GMEB1: variants seen among roughly 807,000 people sequenced by gnomAD.
GMEB1 encodes the protein glucocorticoid modulatory element-binding protein 1.
In GMEB1, 6 loss-of-function variants were observed where a neutral mutation model predicts 52.4. That is an observed-to-expected ratio of 0.11 (90% CI 0.06 to 0.23). GMEB1 has a LOEUF of 0.23. GMEB1 is among the 10% of genes least tolerant of loss of function. GMEB1 has a pLI of 1.00. For missense variants in GMEB1, 486 were observed against 685.6 expected (o/e 0.71, Z 3.25); for synonymous variants, 255 against 244.9 (o/e 1.04, Z -0.38).
intron 8 of GMEB1, among the ~76,000 whole-genome samples, chr1:28,705,882 C>T (rs1000015565): frequency 2.0e-5 from 3 of 148,868 alleles, no homozygotes; most frequent in Admixed American, 2.0e-4. Flanking sequence ...CGGCCGGGCG[C>T]GGTGGCTCAC....
At chr1:28,685,471 A>C (rs1165110915) in intron 2 of GMEB1, among the ~76,000 whole-genome samples, 1 of 152,208 alleles carries the variant, frequency 6.6e-6, no homozygotes, top group Non-Finnish European at 1.5e-5. Flanking sequence ...CAAAAAAGAA[A>C]GAATACAATA....
chr1:28,710,711 G>T, intron 9 of GMEB1, 69 bp downstream of exon 9: 2 of 1,139,904 alleles, frequency 1.8e-6, no homozygotes, highest in Non-Finnish European at 1.1e-6. Context: ...TTTTCTTGTT[G>T]ACTTTTGTTG....
rs1671335021 is a variant in GMEB1, at chr1:28,718,791, C to T, written c.*4018C>T. Reference sequence around the variant, plus strand: ...TGCGTAAGTGCTGTGTGTGATAGGGCTATTGGCTAGGAGCTGAGAGAACAA... The same window carrying T: ...TGCGTAAGTGCTGTGTGTGATAGGGTTATTGGCTAGGAGCTGAGAGAACAA... On this transcript the variant is annotated 3_prime_UTR_variant, in exon 10 of 10. Transcript: ENST00000373816. The T allele has an allele frequency of 1.3e-5, 2 of 152,138 alleles. No individual in the cohort carries two copies. 9.4% of individuals were successfully genotyped at this position (152,138 alleles called of 1,614,324 possible).
At chr1:28,678,726 A>G (rs1427648042) in intron 1 of GMEB1, among the ~76,000 whole-genome samples, 1 of 151,416 alleles carries the variant, frequency 6.6e-6, no homozygotes, top group Non-Finnish European at 1.5e-5. Context: ...GGCTGGGACT[A>G]CAGGTTCACG....
chr1:28,718,116 A>G lies in GMEB1; in HGVS notation c.*3343A>G, dbSNP rs1356834181. On this transcript the variant is annotated 3_prime_UTR_variant, in exon 10 of 10. Coordinates refer to ENST00000373816, the MANE Select transcript of GMEB1 (RefSeq NM_001319674.2). ...GGTGAGACATATGCAAGCCATTGGTATGTGCATAAGCAGTTGCAATGAACC... is the reference window on the plus strand; with the variant it reads ...GGTGAGACATATGCAAGCCATTGGTGTGTGCATAAGCAGTTGCAATGAACC... 6.6e-6 allele frequency: 1 copy of G among 152,246 alleles called. No individual in the cohort carries two copies. Among genetic ancestry groups the G allele is most frequent in the Non-Finnish European group, 1.5e-5 (1 of 68,054 alleles). The allele number at this position is 152,246 out of a possible 1,614,324, so 9.4% of individuals were successfully genotyped here.
intron 2 of GMEB1, among the ~76,000 whole-genome samples, chr1:28,688,551 C>A (rs1435309108): frequency 6.6e-6 from 1 of 152,138 alleles, no homozygotes; most frequent in Non-Finnish European, 1.5e-5. Flanking sequence ...TTGGAGAGAT[C>A]TGCATTATAT....
At chr1:28,700,092 G>A (rs1446875107) in intron 6 of GMEB1, among the ~76,000 whole-genome samples, 2 of 150,968 alleles carry the variant, frequency 1.3e-5, no homozygotes, top group African/African-American at 2.4e-5. Flanking sequence ...GATCTTGGCC[G>A]GGTGCAGCGG....
chr1:28,690,816 A>G (rs1430751548), intron 3 of GMEB1, among the ~76,000 whole-genome samples: 1 of 151,764 alleles, frequency 6.6e-6, no homozygotes, highest in Non-Finnish European at 1.5e-5. Flanking sequence ...CCCCGCCTCT[A>G]CTAAAAGTAT....
chr1:28,689,945 T>C, intron 2 of GMEB1, 159 bp from the exon 3 acceptor site: 1 of 522,374 alleles, frequency 1.9e-6, no homozygotes, highest in South Asian at 2.9e-5. Context: ...CCTGGGAGGT[T>C]TGGAGTTTAA....
rs1005699038 is a variant in GMEB1, at chr1:28,716,561, T to A, written c.*1788T>A. ...TTTAGATTCATTTATACCACAGATG[T>A]TTCTGTGAGATACTGAGATCATAAA... On this transcript the variant is annotated 3_prime_UTR_variant, in exon 10 of 10. Transcript: ENST00000373816. The A allele has an allele frequency of 1.3e-5, 2 of 152,152 alleles. No homozygotes were observed. The highest frequency in any genetic ancestry group is 6.6e-5 in the Admixed American group (1 of 15,256). 9.4% of individuals were successfully genotyped at this position (152,152 alleles called of 1,614,324 possible).
rs536160225 is a variant in GMEB1 at position 28,715,603 on chromosome 1, CAA to C, written c.*849_*850del. 3.5e-4 allele frequency: 17 copies of C among 48,462 alleles called. No homozygotes were observed. Among genetic ancestry groups the C allele is most frequent in the Non-Finnish European group, 2.6e-4 (6 of 22,772 alleles). 3.0% of individuals were successfully genotyped at this position (48,462 alleles called of 1,614,324 possible). On this transcript the variant is annotated 3_prime_UTR_variant, in exon 10 of 10. Coordinates refer to ENST00000373816, the MANE Select transcript of GMEB1 (RefSeq NM_001319674.2). ...GGGCAACAAGAGCGAGACTCCATCT[CAA>C]AAAAAAAAAAAAAAAAAAGTGCTTT...
chr1:28,668,825 C>T lies in GMEB1; in HGVS notation c.-45C>T, dbSNP rs1668726897. The T allele has an allele frequency of 6.8e-6, 1 of 146,674 alleles. No homozygotes were observed. Among genetic ancestry groups the T allele is most frequent in the Non-Finnish European group, 1.5e-5 (1 of 66,316 alleles). The allele number at this position is 146,674 out of a possible 1,614,324, so 9.1% of individuals were successfully genotyped here. A position where few individuals can be genotyped will look rare whatever the true frequency, so the allele number is the denominator to read the frequency against. On this transcript the variant is annotated 5_prime_UTR_variant, in exon 1 of 10. Transcript: ENST00000373816. ...CCGCCCTGGCCGCTCGCCGCCCGCC[C>T]GCCCGACGGAGACGGTGAGGAGGGG...
rs767235764 is a variant in GMEB1 at position 28,714,685 on chromosome 1, A to T, written c.1604A>T (p.Glu535Val). Reference sequence around the variant, plus strand: ...GGCAAAGCAGTCATCTTGGAGACAGAGCTGAGGACTGAGGAGAAAGTTGTG... The same window carrying T: ...GGCAAAGCAGTCATCTTGGAGACAGTGCTGAGGACTGAGGAGAAAGTTGTG... ...TEGKAVILET[E>V]LRTEEKVVAE... is the part of the protein sequence containing the mutation. The change falls in exon 10 of 10, where the codon GAG (glutamate) becomes GTG (valine). Residue 535 changes from glutamate to valine, a missense_variant. Physicochemically the swap from Glu to Val is moderately radical, Grantham distance 121 (BLOSUM62 -2). Transcript: ENST00000373816. 6.2e-7 allele frequency: 1 copy of T among 1,614,144 alleles called. No homozygotes were observed. Among genetic ancestry groups the T allele is most frequent in the Non-Finnish European group, 8.5e-7 (1 of 1,180,004 alleles).
intron 1 of GMEB1, among the ~76,000 whole-genome samples, chr1:28,682,687 A>C (rs943300996): frequency 1.3e-5 from 2 of 151,652 alleles, no homozygotes; most frequent in African/African-American, 4.8e-5. Flanking sequence ...AAGCAACTAC[A>C]TGATAAAAGT....
chr1:28,681,520 A>G (rs970958145), intron 1 of GMEB1, among the ~76,000 whole-genome samples: 96 of 152,320 alleles, frequency 6.3e-4, no homozygotes, highest in African/African-American at 2.2e-3. Context: ...TGCTATGCTC[A>G]GAGTACATTA....
chr1:28,671,840 G>T (rs1018121258), intron 1 of GMEB1, among the ~76,000 whole-genome samples: 19 of 151,974 alleles, frequency 1.3e-4, no homozygotes, highest in Non-Finnish European at 1.6e-4. Context: ...TTTTGGGCTG[G>T]GCGCGGTAGC....
chr1:28,695,973 AAT>A (rs1670188549), intron 5 of GMEB1, among the ~76,000 whole-genome samples: 8 of 142,600 alleles, frequency 5.6e-5, no homozygotes, highest in African/African-American at 1.1e-4. Context: ...AAAAAAAAAA[AAT>A]TTTCAGATGA....
At chr1:28,698,651 G>A (rs546467520) in intron 6 of GMEB1, among the ~76,000 whole-genome samples, 2 of 149,398 alleles carry the variant, frequency 1.3e-5, no homozygotes, top group African/African-American at 4.9e-5. Context: ...CTCCAGCCTG[G>A]GCGACAAAGC....
chr1:28,673,519 T>C (rs562512735), intron 1 of GMEB1, among the ~76,000 whole-genome samples: 3 of 152,210 alleles, frequency 2.0e-5, no homozygotes, highest in African/African-American at 7.2e-5. Flanking sequence ...CCTCCCAAAG[T>C]GCTGGGATTA....
Sources: allele counts gnomAD v4.1 joint callset (sites outside exome capture counted in the v4.1 genomes callset), GRCh38; gene constraint gnomAD v4.1.1; transcripts MANE v1.5; gene names NCBI Gene and HGNC (gene_info 2026-07-23, HGNC 2026-07-21).